Variants in NOXA1 observed in about 807,000 individuals in gnomAD.
The protein encoded by NOXA1 is NCF2-like protein.
A neutral mutation model predicts 64.8 loss-of-function variants in NOXA1; 56 were observed. The ratio of observed to expected loss-of-function variants is 0.86; its 90% CI spans 0.70 to 1.08. The LOEUF is 1.08. NOXA1 is among the 50% of genes least tolerant of loss of function. The pLI, the probability that NOXA1 is intolerant of heterozygous loss-of-function variation, is 0.00. For missense variants in NOXA1, 668 were observed against 658.5 expected, an observed-to-expected ratio of 1.01 and a Z score of -0.16; for synonymous variants, 295 against 294.8, an observed-to-expected ratio of 1.00 and a Z score of -0.01.
chr9:137,434,121 C>T lies in NOXA1; in HGVS notation c.1294+42C>T, dbSNP rs778634588. On this transcript the variant is annotated intron_variant, in intron 13 of 13. Transcript: ENST00000683555. ...CCTTCCCAGGCAGCACCGTGGTGCC[C>T]GGGGTGTGGGGGGCTTAGAGCTCGG... 50 of 1,581,122 alleles carry T rather than the reference C, an allele frequency of 3.2e-5. 1 individual carries two copies. The highest frequency in any genetic ancestry group is 1.7e-4 in the Admixed American group (10 of 57,204).
intron 3 of NOXA1, 109 bp from the exon 4 acceptor site, chr9:137,428,773 C>G: frequency 3.4e-6 from 3 of 873,410 alleles, no homozygotes; most frequent in Non-Finnish European, 4.3e-6. Context: ...GGTGGGGGGA[C>G]TGGGGGAGGG....
rs996715937 is a variant in NOXA1, at chr9:137,423,455, C to G, written c.-75C>G. ...GCCCGCCTCGGAGACCCCGCAGCCC[C>G]GCGCCGCCGCCTGGCCCCGGCCCCG... is the stretch of plus-strand genomic sequence containing the variant. On this transcript the variant is annotated 5_prime_UTR_variant, in exon 1 of 14. Transcript: ENST00000683555. 3.7e-5 allele frequency: 39 copies of G among 1,041,598 alleles called. No individual in the cohort carries two copies. The highest frequency in any genetic ancestry group is 3.7e-4 in the Middle Eastern group (1 of 2,728). 64.5% of individuals were successfully genotyped at this position (1,041,598 alleles called of 1,614,324 possible).
At chr9:137,433,634 C>T (rs375006032) in intron 11 of NOXA1, 27 bp downstream of exon 11, 96 of 1,531,718 alleles carry the variant, frequency 6.3e-5, no homozygotes, top group Middle Eastern at 1.7e-4. Context: ...CCGGTGGCTG[C>T]GGTGGAGCTG....
chr9:137,429,769 C>T (rs1312530203), intron 5 of NOXA1, among the ~76,000 whole-genome samples: 22 of 139,454 alleles, frequency 1.6e-4, no homozygotes, highest in Admixed American at 3.7e-4. Context: ...AGCGAGGTCC[C>T]GGGGGGGTCC....
chr9:137,430,710 G>A (rs1396831331), intron 5 of NOXA1, 74 bp from the exon 6 acceptor site: 7 of 1,354,808 alleles, frequency 5.2e-6, no homozygotes, highest in Non-Finnish European at 6.9e-6. Flanking sequence ...GCGGGGCACG[G>A]TGGGGCGGGC....
chr9:137,433,292 A>C lies in NOXA1; in HGVS notation c.909+29A>C, dbSNP rs191957365. The C allele has an allele frequency of 8.5e-5, 131 of 1,537,664 alleles. No homozygotes were observed. In the East Asian group the frequency reaches 3.0e-3, roughly 35 times the overall value. On this transcript the variant is annotated intron_variant, in intron 10 of 13. Transcript: ENST00000683555. ...AGAGGCTCTAGACCCTTCACCTGTC[A>C]GTCACCTGAGGGAGGCTGAGGCCAA...
intron 3 of NOXA1, among the ~76,000 whole-genome samples, chr9:137,428,646 C>T (rs113903167): frequency 0.038 from 5,050 of 132,762 alleles, 109 homozygotes; most frequent in Non-Finnish European, 0.057. Flanking sequence ...GGACACAGAA[C>T]GGTGCAGGGG....
intron 5 of NOXA1, 123 bp from the exon 6 acceptor site, chr9:137,430,661 C>A: frequency 1.4e-6 from 1 of 721,814 alleles, no homozygotes; most frequent in Non-Finnish European, 2.2e-6. Context: ...GTGGGCCGGG[C>A]ATGGGCAGCT....
chr9:137,426,181 G>T, intron 1 of NOXA1, 67 bp from the exon 2 acceptor site: 1 of 1,388,448 alleles, frequency 7.2e-7, no homozygotes. Context: ...CACCCATCAC[G>T]CTGTATCTGT....
At chr9:137,424,941 G>A (rs1460982110) in intron 1 of NOXA1, among the ~76,000 whole-genome samples, 2 of 152,224 alleles carry the variant, frequency 1.3e-5, no homozygotes, top group African/African-American at 4.8e-5. Context: ...ACTTAGGAAA[G>A]CAGATGGAAC....
At chr9:137,426,397 A>ACCT in intron 2 of NOXA1, 67 bp downstream of exon 2, 2 of 1,288,988 alleles carry the variant, frequency 1.6e-6, no homozygotes, top group Non-Finnish European at 2.3e-6. Flanking sequence ...CCACTCCTGC[A>ACCT]CCTCCTCCTC....
intron 1 of NOXA1, among the ~76,000 whole-genome samples, chr9:137,424,894 G>A (rs552125363): frequency 5.9e-5 from 9 of 152,316 alleles, no homozygotes; most frequent in African/African-American, 2.2e-4. Flanking sequence ...AAAGTCATAC[G>A]ACTAACCCAC....
chr9:137,425,804 G>A (rs1055288286), intron 1 of NOXA1, among the ~76,000 whole-genome samples: 3 of 151,708 alleles, frequency 2.0e-5, no homozygotes, highest in African/African-American at 7.3e-5. Context: ...ACCCAGAGGC[G>A]GAGGCAGCAG....
chr9:137,432,902 C>A, intron 8 of NOXA1, 127 bp from the exon 9 acceptor site: 1 of 1,034,630 alleles, frequency 9.7e-7, no homozygotes, highest in Non-Finnish European at 1.4e-6. Context: ...GAATTCAACA[C>A]CCACAGACCA....
In NOXA1 at chr9:137,430,433, G is replaced by A. The variant is rs150390290; in HGVS notation, c.613-351G>A. On this transcript the variant is annotated intron_variant, in intron 5 of 13. Coordinates refer to ENST00000683555, the MANE Select transcript of NOXA1 (RefSeq NM_001256067.2). ...CGGTCACCTGCGCTGCGCCACGGCCGACTCCTGGGCCCAGTGCAGCTGCCC... is the reference window on the plus strand; with the variant it reads ...CGGTCACCTGCGCTGCGCCACGGCCAACTCCTGGGCCCAGTGCAGCTGCCC... Among the ~76,000 whole-genome samples the A allele has an allele frequency of 2.9e-3, 437 of 152,332 alleles. 2 individuals are homozygous for A. The highest frequency in any genetic ancestry group is 0.019 in the Admixed American group (290 of 15,306).
intron 13 of NOXA1, 35 bp from the exon 14 acceptor site, chr9:137,434,189 G>T: frequency 6.3e-7 from 1 of 1,593,296 alleles, no homozygotes. Flanking sequence ...CCACGCCTGG[G>T]TAACGCCCTG....
At chr9:137,430,335 G>A (rs1448741226) in intron 5 of NOXA1, among the ~76,000 whole-genome samples, 1 of 152,158 alleles carries the variant, frequency 6.6e-6, no homozygotes, top group African/African-American at 2.4e-5. Context: ...AACTCCTGGT[G>A]GGCAAAGACT....
At position 137,434,387 on chromosome 9, in the gene NOXA1, TA is replaced by T; in HGVS notation, c.*32del. 1 of 1,541,238 alleles carries T rather than the reference TA, an allele frequency of 6.5e-7. No homozygotes were observed. The highest frequency in any genetic ancestry group is 1.2e-5 in the South Asian group (1 of 83,626). On this transcript the variant is annotated 3_prime_UTR_variant, in exon 14 of 14. Coordinates refer to ENST00000683555, the MANE Select transcript of NOXA1 (RefSeq NM_001256067.2). ...GATGCTGTGTCCATGATGCTTTTAA[TA>T]AAAACAACCCCCACTGCAGTCTCAC... is the stretch of plus-strand genomic sequence containing the variant.
intron 5 of NOXA1, 145 bp from the exon 6 acceptor site, chr9:137,430,639 G>A (rs1588467133): frequency 1.7e-6 from 1 of 603,108 alleles, no homozygotes. Flanking sequence ...CCTCCATGGT[G>A]GTCTGGCAGA....
Sources: gnomAD v4.1 joint callset for allele counts (sites outside exome capture counted in the v4.1 genomes callset) on GRCh38, gnomAD v4.1.1 for gene constraint, MANE v1.5 for transcripts, NCBI Gene and HGNC (gene_info 2026-07-23, HGNC 2026-07-21) for gene names.